Variants in TEF observed in about 807,000 individuals in gnomAD.
The protein encoded by TEF is TEF transcription factor, PAR bZIP family member.
Under a neutral mutation model 20.8 loss-of-function variants are expected in TEF, and 3 were observed. The ratio of observed to expected loss-of-function variants is 0.14; its 90% CI spans 0.07 to 0.37. The LOEUF is 0.37. Among genes scored for constraint, TEF ranks in the 10% least tolerant of loss-of-function variants. The pLI is 1.00. For synonymous variants in TEF, 180 were observed against 171.1 expected, an observed-to-expected ratio of 1.05 and a Z score of -0.41; for missense variants, 296 against 397.9, an observed-to-expected ratio of 0.74 and a Z score of 2.18.
intron 2 of TEF, 27 bp from the exon 3 acceptor site, chr22:41,394,069 G>A (rs373681154): frequency 2.1e-5 from 34 of 1,607,544 alleles, no homozygotes; most frequent in East Asian, 4.5e-5. Flanking sequence ...GGGCTGCTTC[G>A]GGACCACCTG....
rs537142978 is a variant in TEF at position 41,376,518 on chromosome 22, G to A, written c.67+8919G>A. ...GGTGGGATTACAGGCTTGAGCCATCGTGCCAGGCCTGAACAAAGTTTTTAA... is the reference window on the plus strand; with the variant it reads ...GGTGGGATTACAGGCTTGAGCCATCATGCCAGGCCTGAACAAAGTTTTTAA... On this transcript the variant is annotated intron_variant, in intron 1 of 3. Coordinates refer to the TEF transcript ENST00000406644. Among the ~76,000 whole-genome samples the A allele has an allele frequency of 5.3e-5, 8 of 152,330 alleles. No homozygotes were observed. In the South Asian group the frequency reaches 8.3e-4, roughly 16 times the overall value.
In TEF at chr22:41,386,632, A is replaced by G. The variant is rs192626690; in HGVS notation, c.158-719A>G. Among the ~76,000 whole-genome samples the G allele has an allele frequency of 1.7e-3, 252 of 152,136 alleles. 2 individuals are homozygous for G. The highest frequency in any genetic ancestry group is 2.6e-4 in the Non-Finnish European group (18 of 68,002). On this transcript the variant is annotated intron_variant, in intron 1 of 3. Transcript: ENST00000266304. ...TGGCAGGCTCCTGTAATCCCAGTTTACTGGGGAGACTGAGACAGGAGAATT... is the reference window on the plus strand; with the variant it reads ...TGGCAGGCTCCTGTAATCCCAGTTTGCTGGGGAGACTGAGACAGGAGAATT...
chr22:41,370,022 G>C (rs746963715), intron 1 of TEF: 28 of 985,290 alleles, frequency 2.8e-5, no homozygotes, highest in Non-Finnish European at 3.4e-5. Context: ...AAGTGTACAG[G>C]AAAGTCTGCG....
At chr22:41,383,123 AG>A in intron 1 of TEF, 1 of 448,758 alleles carries the variant, frequency 2.2e-6, no homozygotes, top group Non-Finnish European at 4.6e-6. Flanking sequence ...TCAGTTATTC[AG>A]GGTTTGGGAA....
chr22:41,378,343 CTTTTT>C (rs58676366), upstream of TEF, among the ~76,000 whole-genome samples: 6 of 83,566 alleles, frequency 7.2e-5, no homozygotes, highest in East Asian at 1.1e-3. Context: ...TAACTTTTGC[CTTTTT>C]TTTTTTTTTT....
chr22:41,385,705 G>C (rs912547792), intron 1 of TEF, among the ~76,000 whole-genome samples: 3 of 151,696 alleles, frequency 2.0e-5, no homozygotes, highest in Non-Finnish European at 4.4e-5. Context: ...TTTTTGTGAC[G>C]GAGTTTCACT....
chr22:41,377,497 G>T (rs940293104), upstream of TEF, among the ~76,000 whole-genome samples: 1 of 152,130 alleles, frequency 6.6e-6, no homozygotes, highest in Admixed American at 6.6e-5. Context: ...ATGGAAATTA[G>T]CTAACTAGTT....
chr22:41,388,673 C>G (rs2037129319), intron 2 of TEF, among the ~76,000 whole-genome samples: 1 of 151,856 alleles, frequency 6.6e-6, no homozygotes, highest in African/African-American at 2.4e-5. Context: ...TACATTTTAT[C>G]TCTGGGGGTT....
At chr22:41,376,667 A>G (rs1354072961) in intron 1 of TEF, among the ~76,000 whole-genome samples, 1 of 152,194 alleles carries the variant, frequency 6.6e-6, no homozygotes, top group Non-Finnish European at 1.5e-5. Flanking sequence ...ACCCACCCTC[A>G]GGCCCACAGC....
chr22:41,396,122 C>A lies in TEF; in HGVS notation c.*162C>A. 1 of 749,976 alleles carries A rather than the reference C, an allele frequency of 1.3e-6. No homozygotes were observed. The highest frequency in any genetic ancestry group is 2.1e-6 in the Non-Finnish European group (1 of 471,490). The allele number at this position is 749,976 out of a possible 1,614,324, so 46.5% of individuals were successfully genotyped here. ...CGTCTCAGCTTCATTATACCATGGC[C>A]TGCGCACGTGGCGACGTCCCTGAGG... On this transcript the variant is annotated 3_prime_UTR_variant, in exon 4 of 4. Transcript: ENST00000266304.
chr22:41,388,362 T>G (rs1265692793), intron 2 of TEF, among the ~76,000 whole-genome samples: 1 of 152,074 alleles, frequency 6.6e-6, no homozygotes, highest in African/African-American at 2.4e-5. Flanking sequence ...CTTGGCTCAC[T>G]GCAACCTCCA....
chr22:41,393,787 A>C (rs2037194886), intron 2 of TEF, among the ~76,000 whole-genome samples: 1 of 152,088 alleles, frequency 6.6e-6, no homozygotes, highest in Non-Finnish European at 1.5e-5. Flanking sequence ...AAAAAAAAAA[A>C]AAAAAAATTA....
In TEF at chr22:41,376,535, A is replaced by G. The variant is rs555771685; in HGVS notation, c.67+8936A>G. ...GAGCCATCGTGCCAGGCCTGAACAAAGTTTTTAACTTGGGCTAGTTAGCAG... is the reference window on the plus strand; with the variant it reads ...GAGCCATCGTGCCAGGCCTGAACAAGGTTTTTAACTTGGGCTAGTTAGCAG... On this transcript the variant is annotated intron_variant, in intron 1 of 3. Coordinates refer to the TEF transcript ENST00000406644. Among the ~76,000 whole-genome samples, 22 of 152,272 alleles carry G rather than the reference A, an allele frequency of 1.4e-4. No homozygotes were observed. The East Asian group carries it at 4.2e-3, about 29-fold the overall frequency.
chr22:41,388,190 G>A (rs1246222306), intron 2 of TEF, among the ~76,000 whole-genome samples: 2 of 151,734 alleles, frequency 1.3e-5, no homozygotes, highest in Non-Finnish European at 2.9e-5. Flanking sequence ...TAGAGACAGA[G>A]TTTCATCATG....
chr22:41,389,639 T>G (rs1032902303), intron 2 of TEF, among the ~76,000 whole-genome samples: 3 of 151,898 alleles, frequency 2.0e-5, no homozygotes, highest in African/African-American at 7.3e-5. Flanking sequence ...ATAAAAGTTT[T>G]TTTTTTTTTT....
At chr22:41,384,840 G>A (rs990107546) in intron 1 of TEF, among the ~76,000 whole-genome samples, 1 of 151,834 alleles carries the variant, frequency 6.6e-6, no homozygotes, top group Non-Finnish European at 1.5e-5. Context: ...ACAAACCTCC[G>A]CCTCCAAGGT....
At chr22:41,394,627 G>C (rs1027356979) in intron 3 of TEF, among the ~76,000 whole-genome samples, 3 of 152,220 alleles carry the variant, frequency 2.0e-5, no homozygotes, top group African/African-American at 7.2e-5. Flanking sequence ...CAGGAACTGG[G>C]GTTGAAAAAG....
upstream of TEF, among the ~76,000 whole-genome samples, chr22:41,380,523 A>C (rs143156238): frequency 1.3e-4 from 20 of 151,694 alleles, no homozygotes; most frequent in Non-Finnish European, 2.8e-4. Context: ...TCATGCATCT[A>C]CCCCCTGAAC....
chr22:41,383,191 G>A (rs1485943969), intron 1 of TEF, among the ~76,000 whole-genome samples: 2 of 152,132 alleles, frequency 1.3e-5, no homozygotes, highest in African/African-American at 4.8e-5. Flanking sequence ...TTTTTAAAAT[G>A]CCATTTCTCT....
Sources: gnomAD v4.1 joint callset for allele counts (sites outside exome capture counted in the v4.1 genomes callset) on GRCh38, gnomAD v4.1.1 for gene constraint, MANE v1.5 for transcripts, NCBI Gene and HGNC (gene_info 2026-07-23, HGNC 2026-07-21) for gene names.